Variants in RBFOX1 observed in about 807,000 individuals in gnomAD.
RBFOX1 encodes the protein RNA binding protein fox-1 homolog 1.
In RBFOX1, 8 loss-of-function variants were observed where a neutral mutation model predicts 57.7. The observed-to-expected ratio is 0.14, with a 90% confidence interval of 0.08 to 0.25. The LOEUF is 0.25. Ranked by LOEUF, RBFOX1 falls within the 10% of genes least tolerant of loss-of-function variation. The pLI, the probability that RBFOX1 is intolerant of heterozygous loss-of-function variation, is 1.00. For synonymous variants in RBFOX1, 326 were observed against 222.4 expected (o/e 1.47, Z -4.15); for missense variants, 611 against 548.5 (o/e 1.11, Z -1.14).
intron 4 of RBFOX1, among the ~76,000 whole-genome samples, chr16:7,455,863 C>T (rs973921223): frequency 6.7e-6 from 1 of 150,346 alleles, no homozygotes; most frequent in African/African-American, 2.4e-5. Context: ...GACATTGAAA[C>T]TTACTATGAG....
At chr16:6,813,453 C>A (rs13336612) in intron 3 of RBFOX1, among the ~76,000 whole-genome samples, 9,382 of 152,126 alleles carry the variant, frequency 0.062, 964 homozygotes, top group African/African-American at 0.21. Context: ...GGGACCCCAG[C>A]TCCTTCTTAG....
At chr16:6,849,550 T>G (rs1197952282) in intron 3 of RBFOX1, among the ~76,000 whole-genome samples, 1 of 152,102 alleles carries the variant, frequency 6.6e-6, no homozygotes, top group Non-Finnish European at 1.5e-5. Context: ...ATGCCTGTAG[T>G]CCCAGCTACT....
intron 1 of RBFOX1, chr16:6,038,435 G>C (rs913612524): frequency 6.7e-6 from 1 of 149,752 alleles, no homozygotes; most frequent in Non-Finnish European, 1.5e-5. Flanking sequence ...GCCCACCTCA[G>C]CCTGCCAAAG....
At chr16:5,637,984 CG>C (rs1207094220) in intron 3 of RBFOX1, among the ~76,000 whole-genome samples, 5 of 152,210 alleles carry the variant, frequency 3.3e-5, no homozygotes, top group Admixed American at 2.6e-4. Flanking sequence ...CTGATGATGT[CG>C]GAAGTCCCCT....
Position 5,346,094 on chromosome 16 carries a change from A to G in RBFOX1, c.219+105989A>G, listed in dbSNP as rs144253014. ...CCAGCAGCCCACTACCTGGTGAAGG[A>G]GACAGACAAGCGCACAGAGAAGTAT... On this transcript the variant is annotated intron_variant, in intron 1 of 2. Transcript: ENST00000585867. Among the ~76,000 whole-genome samples the G allele has an allele frequency of 3.6e-3, 544 of 152,314 alleles. 2 individuals carry two copies. The highest frequency in any genetic ancestry group is 0.013 in the African/African-American group (524 of 41,564).
intron 2 of RBFOX1, among the ~76,000 whole-genome samples, chr16:5,508,582 A>G (rs2043460095): frequency 6.6e-6 from 1 of 152,014 alleles, no homozygotes; most frequent in Admixed American, 6.6e-5. Context: ...CGGGGACTGC[A>G]CAGAGCAGTT....
intron 3 of RBFOX1, among the ~76,000 whole-genome samples, chr16:7,024,126 A>T (rs2040175669): frequency 6.6e-6 from 1 of 152,192 alleles, no homozygotes; most frequent in African/African-American, 2.4e-5. Context: ...TTTTAATGAC[A>T]TGCTTTATGT....
intron 3 of RBFOX1, among the ~76,000 whole-genome samples, chr16:6,897,400 C>A (rs374185025): frequency 9.9e-5 from 15 of 151,554 alleles, no homozygotes; most frequent in African/African-American, 2.7e-4. Flanking sequence ...GAGACTCCGT[C>A]ACACACACAC....
At chr16:6,548,000 A>T (rs995633256) in intron 2 of RBFOX1, among the ~76,000 whole-genome samples, 7 of 152,210 alleles carry the variant, frequency 4.6e-5, no homozygotes, top group Non-Finnish European at 2.9e-5. Context: ...TCCTTTAATC[A>T]TAGCCCTTAT....
At chr16:7,038,206 G>A (rs7187963) in intron 3 of RBFOX1, among the ~76,000 whole-genome samples, 8,402 of 152,084 alleles carry the variant, frequency 0.055, 760 homozygotes, top group African/African-American at 0.19. Flanking sequence ...CCAGGAGACC[G>A]GTTCAGGGAA....
At chr16:6,159,597 C>T (rs2096863079) in intron 1 of RBFOX1, among the ~76,000 whole-genome samples, 1 of 152,122 alleles carries the variant, frequency 6.6e-6, no homozygotes, top group Non-Finnish European at 1.5e-5. Flanking sequence ...GGAAAGTTTG[C>T]CTTCCCCTCC....
Position 7,029,835 on chromosome 16 carries a change from G to A in RBFOX1, c.-15-22222G>A, listed in dbSNP as rs553004152. Among the ~76,000 whole-genome samples, 177 of 152,236 alleles carry A rather than the reference G, an allele frequency of 1.2e-3. 1 individual carries two copies. The South Asian group carries it at 0.016, about 14-fold the overall frequency. ...GAAAAGCATGGCTTGTGGATTTCTT[G>A]AAGATGAAAGAATGATAACTTGATT... is the stretch of plus-strand genomic sequence containing the variant. On this transcript the variant is annotated intron_variant, in intron 3 of 15. Transcript: ENST00000550418.
chr16:6,866,022 C>T (rs1037669369), intron 3 of RBFOX1, among the ~76,000 whole-genome samples: 1 of 151,884 alleles, frequency 6.6e-6, no homozygotes, highest in African/African-American at 2.4e-5. Flanking sequence ...TTGGCTAGCA[C>T]ATCTTTGAAT....
chr16:6,281,457 A>G (rs578031430), intron 1 of RBFOX1, among the ~76,000 whole-genome samples: 2 of 152,088 alleles, frequency 1.3e-5, no homozygotes, highest in African/African-American at 4.8e-5. Flanking sequence ...TAATTCAGAA[A>G]ATTACCATGA....
At chr16:6,208,690 T>G (rs185275700) in intron 1 of RBFOX1, among the ~76,000 whole-genome samples, 3 of 152,232 alleles carry the variant, frequency 2.0e-5, no homozygotes, top group African/African-American at 7.2e-5. Context: ...GAATGGCCAC[T>G]GCTTTAAAGA....
At chr16:7,182,541 C>G (rs769498699) in intron 4 of RBFOX1, among the ~76,000 whole-genome samples, 1 of 152,158 alleles carries the variant, frequency 6.6e-6, no homozygotes, top group Non-Finnish European at 1.5e-5. Context: ...AATATGGAAA[C>G]AAGGGATAGT....
chr16:5,686,127 G>A (rs190765050), intron 3 of RBFOX1, among the ~76,000 whole-genome samples: 15 of 152,256 alleles, frequency 9.9e-5, no homozygotes, highest in African/African-American at 1.4e-4. Context: ...TGGTATCTAC[G>A]TTGGATGTTA....
intron 4 of RBFOX1, among the ~76,000 whole-genome samples, chr16:7,491,316 C>T (rs776710085): frequency 1.3e-5 from 2 of 151,444 alleles, no homozygotes; most frequent in East Asian, 3.9e-4. Context: ...TTTAATGCAA[C>T]TTGTCATCTT....
chr16:6,525,547 C>G (rs925964715), intron 2 of RBFOX1, among the ~76,000 whole-genome samples: 7 of 152,140 alleles, frequency 4.6e-5, no homozygotes, highest in Admixed American at 4.6e-4. Flanking sequence ...TGGGTAATTT[C>G]TAAAGAACAG....
Sources: allele counts gnomAD v4.1 joint callset (sites outside exome capture counted in the v4.1 genomes callset), GRCh38; gene constraint gnomAD v4.1.1; transcripts MANE v1.5; gene names NCBI Gene and HGNC (gene_info 2026-07-23, HGNC 2026-07-21).